The following CAST variants were observed in gnomAD, a reference collection of about 807,000 sequenced individuals.
CAST encodes MIR583 host.
In CAST, 76 loss-of-function variants were observed where a neutral mutation model predicts 119.6. That is an observed-to-expected ratio of 0.64 (90% CI 0.53 to 0.77). The LOEUF (loss-of-function observed/expected upper bound fraction) is 0.77. Among genes scored for constraint, CAST ranks in the 30% least tolerant of loss-of-function variants. The probability of loss-of-function intolerance (pLI) is 0.00; values close to 1 mark genes in which losing one functional copy is unlikely to be tolerated. For synonymous variants in CAST, 319 were observed against 331.6 expected, an observed-to-expected ratio of 0.96 and a Z score of 0.41; for missense variants, 953 against 946.5, an observed-to-expected ratio of 1.01 and a Z score of -0.09.
the CAST span, among the ~76,000 whole-genome samples, chr5:96,377,370 C>T: frequency 1.3e-5 from 2 of 152,152 alleles, no homozygotes; most frequent in African/African-American, 4.8e-5. Context: ...GATTCACCCA[C>T]AGCAACTTAC....
chr5:96,479,468 T>TTG, the CAST span, among the ~76,000 whole-genome samples: 261 of 144,578 alleles, frequency 1.8e-3, 6 homozygotes, highest in South Asian at 6.9e-3. Flanking sequence ...TTTTTTTTTT[T>TTG]GAGATGGAGT....
the CAST span, chr5:96,397,194 G>T: frequency 1.3e-6 from 1 of 749,690 alleles, no homozygotes. Flanking sequence ...GTCAGGGCTT[G>T]AAACACTCTA....
chr5:96,556,300 C>G (rs372515089), intron 1 of CAST, among the ~76,000 whole-genome samples: 2 of 152,170 alleles, frequency 1.3e-5, no homozygotes, highest in African/African-American at 2.4e-5. Context: ...AAAAGCAGAG[C>G]GCCTCTCCTC....
chr5:96,339,603 C>T, the CAST span, among the ~76,000 whole-genome samples: 209 of 152,218 alleles, frequency 1.4e-3, 1 homozygote, highest in African/African-American at 4.8e-3. Context: ...GGACAAAGCC[C>T]CAGAGTTTAA....
rs376838470 is a variant in CAST, at chr5:96,586,427, T to G, written c.60+56547T>G. On this transcript the variant is annotated intron_variant, in intron 1 of 11. Transcript: ENST00000505143. ...ATTTAGTGGTTGATAGATACTATAA[T>G]ATAAATGAGCTCAATTGTGCCTTGA... Among the ~76,000 whole-genome samples, 55 of 152,340 alleles carry G rather than the reference T, an allele frequency of 3.6e-4. 2 individuals are homozygous for G. The highest frequency in any genetic ancestry group is 1.3e-3 in the African/African-American group (55 of 41,582).
intron 1 of CAST, among the ~76,000 whole-genome samples, chr5:96,560,655 C>T (rs1162794274): frequency 1.3e-5 from 2 of 152,134 alleles, no homozygotes; most frequent in African/African-American, 4.8e-5. Flanking sequence ...CAATGAGATA[C>T]CATCTCACAC....
At chr5:96,681,693 A>G (rs1434623000) in intron 2 of CAST, among the ~76,000 whole-genome samples, 97 of 143,470 alleles carry the variant, frequency 6.8e-4, no homozygotes, top group African/African-American at 2.4e-3. Flanking sequence ...AGATCCCGCC[A>G]CTGCACTCCA....
chr5:96,206,039 G>T, the CAST span, among the ~76,000 whole-genome samples: 1 of 151,640 alleles, frequency 6.6e-6, no homozygotes, highest in African/African-American at 2.4e-5. Context: ...ATCTCATTGT[G>T]GTTTTAATTT....
chr5:96,491,043 C>A, the CAST span, among the ~76,000 whole-genome samples: 52 of 151,826 alleles, frequency 3.4e-4, no homozygotes, highest in South Asian at 0.01. Context: ...AAAAGACACA[C>A]AAACCAACAG....
At chr5:96,103,350 T>TC in the CAST span, among the ~76,000 whole-genome samples, 1 of 79,818 alleles carries the variant, frequency 1.3e-5, no homozygotes, top group East Asian at 4.3e-4. Context: ...CCCTCCCCCC[T>TC]CCCCCCACCC....
At chr5:96,550,794 A>C (rs1468546080) in intron 1 of CAST, among the ~76,000 whole-genome samples, 3 of 152,258 alleles carry the variant, frequency 2.0e-5, no homozygotes, top group Non-Finnish European at 2.9e-5. Context: ...AGCCTATTCA[A>C]TCAAGTGGAA....
At chr5:96,157,891 A>G in the CAST span, among the ~76,000 whole-genome samples, 1 of 152,222 alleles carries the variant, frequency 6.6e-6, no homozygotes, top group African/African-American at 2.4e-5. Flanking sequence ...TTTAGGGCTT[A>G]GCAGTGGTAA....
the CAST span, among the ~76,000 whole-genome samples, chr5:96,334,653 G>A: frequency 1.3e-5 from 2 of 152,104 alleles, no homozygotes; most frequent in African/African-American, 4.8e-5. Flanking sequence ...CACACAGTAG[G>A]CATAGTAGTG....
At chr5:96,028,336 T>A in the CAST span, among the ~76,000 whole-genome samples, 1 of 152,000 alleles carries the variant, frequency 6.6e-6, no homozygotes, top group Non-Finnish European at 1.5e-5. Context: ...TTCGGTATAA[T>A]TGACAAAATT....
chr5:96,400,597 C>A, the CAST span, among the ~76,000 whole-genome samples: 3 of 152,248 alleles, frequency 2.0e-5, no homozygotes, highest in Non-Finnish European at 2.9e-5. Flanking sequence ...TATGAACCCA[C>A]AGACGAGGCC....
At chr5:96,465,058 A>C in the CAST span, among the ~76,000 whole-genome samples, 1 of 152,010 alleles carries the variant, frequency 6.6e-6, no homozygotes, top group Admixed American at 6.6e-5. Context: ...TATATGTATC[A>C]ATTATTTATT....
chr5:96,659,686 G>A (rs1016991516), upstream of CAST, among the ~76,000 whole-genome samples: 2 of 152,004 alleles, frequency 1.3e-5, no homozygotes, highest in African/African-American at 4.8e-5. Flanking sequence ...GCGCCACCAT[G>A]CCCAGCTAGT....
chr5:96,072,156 A>C, the CAST span, among the ~76,000 whole-genome samples: 3 of 152,142 alleles, frequency 2.0e-5, no homozygotes, highest in Non-Finnish European at 2.9e-5. Context: ...AGGAGCTCAG[A>C]ATGGGTGGGG....
the CAST span, among the ~76,000 whole-genome samples, chr5:96,282,808 A>AG: frequency 1.3e-5 from 2 of 152,284 alleles, no homozygotes; most frequent in South Asian, 4.1e-4. Context: ...CTTGGCTGCA[A>AG]CTTAGAATCA....
Sources: allele counts gnomAD v4.1 joint callset (sites outside exome capture counted in the v4.1 genomes callset), GRCh38; gene constraint gnomAD v4.1.1; transcripts MANE v1.5; gene names NCBI Gene and HGNC (gene_info 2026-07-23, HGNC 2026-07-21).